Variants in ZNF124 observed in about 807,000 individuals in gnomAD.
ZNF124 encodes zinc finger protein 124.
In ZNF124, 25 loss-of-function variants were observed where a neutral mutation model predicts 26.6. The observed-to-expected ratio is 0.94, with a 90% confidence interval of 0.68 to 1.31. The LOEUF (loss-of-function observed/expected upper bound fraction) is 1.31. Among genes scored for constraint, ZNF124 ranks in the 40% most tolerant of loss-of-function variants. The pLI, the probability that ZNF124 is intolerant of heterozygous loss-of-function variation, is 0.00. For missense variants in ZNF124, 444 were observed against 422.2 expected (o/e 1.05, Z -0.45); for synonymous variants, 129 against 133.3 (o/e 0.97, Z 0.22).
chr1:247,156,986 C>T lies in ZNF124; in HGVS notation c.636G>A (p.Gly212=). 2 of 1,610,166 alleles carry T rather than the reference C, an allele frequency of 1.2e-6. No individual in the cohort carries two copies. The highest frequency in any genetic ancestry group is 8.5e-7 in the Non-Finnish European group (1 of 1,178,526). The change falls in exon 4 of 4, where the codon GGG becomes GGA. Residue 212 remains glycine, a synonymous_variant. Transcript: ENST00000543802. ...GGCAATTGGAGTAACGGAAGGCTTT[C>T]CCACAGTGCTTACATTCATAGGGTT... ...GEKPYECKHC[G]KAFRYSNCLH...
At position 247,156,698 on chromosome 1, in the gene ZNF124, A is replaced by G. The variant is rs1572082382; in HGVS notation, c.924T>C (p.His308=). The G allele has an allele frequency of 1.9e-6, 3 of 1,613,632 alleles. No homozygotes were observed. Among genetic ancestry groups the G allele is most frequent in the South Asian group, 1.1e-5 (1 of 91,016 alleles). The change falls in exon 4 of 4, where the codon CAT becomes CAC. Residue 308 remains histidine (H), a synonymous_variant. Coordinates refer to ENST00000543802, the MANE Select transcript of ZNF124 (RefSeq NM_001297568.2). ...GFRCSSSLRD[H]ERTHTGEKPY... Reference sequence around the variant, plus strand: ...GTTTCTCTCCAGTATGAGTCCTTTCATGGTCACGAAGGGAACTGGAACATC... The same window carrying G: ...GTTTCTCTCCAGTATGAGTCCTTTCGTGGTCACGAAGGGAACTGGAACATC...
intron 3 of ZNF124, among the ~76,000 whole-genome samples, chr1:247,142,068 G>C (rs1672642479): frequency 6.6e-6 from 1 of 152,186 alleles, no homozygotes; most frequent in Non-Finnish European, 1.5e-5. Context: ...AGCCCTGGCT[G>C]GAGAAGTCCA....
intron 3 of ZNF124, among the ~76,000 whole-genome samples, chr1:247,137,850 T>A (rs1305108577): frequency 6.6e-6 from 1 of 152,156 alleles, no homozygotes; most frequent in African/African-American, 2.4e-5. Flanking sequence ...AACAAACACA[T>A]GAACAAAAGC....
chr1:247,144,156 C>T (rs1343518131), intron 3 of ZNF124, among the ~76,000 whole-genome samples: 1 of 152,198 alleles, frequency 6.6e-6, no homozygotes, highest in Non-Finnish European at 1.5e-5. Flanking sequence ...TAATGCCCTT[C>T]CATTCTCCAT....
chr1:247,143,029 T>C (rs1672667412), intron 3 of ZNF124, among the ~76,000 whole-genome samples: 1 of 152,178 alleles, frequency 6.6e-6, no homozygotes, highest in African/African-American at 2.4e-5. Context: ...TTTAGGTAAT[T>C]ATGCATTTTA....
chr1:247,134,787 A>G (rs1444724678), intron 3 of ZNF124, among the ~76,000 whole-genome samples: 1 of 152,224 alleles, frequency 6.6e-6, no homozygotes, highest in Non-Finnish European at 1.5e-5. Context: ...CCACAAATCA[A>G]TAGAATATAC....
At chr1:247,145,097 G>T (rs1202584821) in intron 3 of ZNF124, among the ~76,000 whole-genome samples, 1 of 152,158 alleles carries the variant, frequency 6.6e-6, no homozygotes, top group Non-Finnish European at 1.5e-5. Flanking sequence ...TTTTCAGGTA[G>T]TCAGTGTGGA....
chr1:247,149,217 C>G (rs1672863910), intron 3 of ZNF124, among the ~76,000 whole-genome samples: 1 of 152,178 alleles, frequency 6.6e-6, no homozygotes, highest in Non-Finnish European at 1.5e-5. Context: ...GAAGAATTGT[C>G]TTCCAAAAGG....
intron 3 of ZNF124, among the ~76,000 whole-genome samples, chr1:247,144,285 C>T (rs532896986): frequency 6.6e-6 from 1 of 152,326 alleles, no homozygotes; most frequent in Non-Finnish European, 1.5e-5. Context: ...ATTCTGGTCA[C>T]TCCCTACCTT....
chr1:247,156,360 GTCCTT>G lies in ZNF124; in HGVS notation c.*201_*205del, dbSNP rs1210574048. 9 of 1,246,466 alleles carry G rather than the reference GTCCTT, an allele frequency of 7.2e-6. No individual in the cohort carries two copies. The highest frequency in any genetic ancestry group is 9.0e-6 in the Non-Finnish European group (9 of 996,020). 77.2% of individuals were successfully genotyped at this position (1,246,466 alleles called of 1,614,324 possible). The stretch of plus-strand genomic sequence containing the variant: ...CATTCATATGGATTTTCTTCAGTGA[GTCCTT>G]TCAAGTTTTCAAAAAGAAATGGAAA... On this transcript the variant is annotated 3_prime_UTR_variant, in exon 4 of 4. Transcript: ENST00000543802.
Position 247,156,141 on chromosome 1 carries a change from G to C in ZNF124, c.*425C>G. The C allele has an allele frequency of 3.0e-6, 3 of 988,158 alleles. No individual in the cohort carries two copies. Among genetic ancestry groups the C allele is most frequent in the Non-Finnish European group, 3.6e-6 (3 of 831,978 alleles). The allele number at this position is 988,158 out of a possible 1,614,324, so 61.2% of individuals were successfully genotyped here. ...AATTCAGAATTTTCTGTATTTCTAGGATTTCAATCTGGTGGGCATTCTTTT... is the reference window on the plus strand; with the variant it reads ...AATTCAGAATTTTCTGTATTTCTAGCATTTCAATCTGGTGGGCATTCTTTT... On this transcript the variant is annotated 3_prime_UTR_variant, in exon 4 of 4. Transcript: ENST00000543802.
chr1:247,158,865 G>T (rs1673305471), intron 3 of ZNF124, 141 bp downstream of exon 3: 4 of 696,984 alleles, frequency 5.7e-6, no homozygotes, highest in African/African-American at 3.7e-5. Flanking sequence ...CTGACCTCAG[G>T]TGATCCGCCC....
At chr1:247,145,650 C>T (rs76318452) in intron 3 of ZNF124, among the ~76,000 whole-genome samples, 20,565 of 148,926 alleles carry the variant, frequency 0.14, 2,066 homozygotes, top group African/African-American at 0.28. Flanking sequence ...TTTTTTTTGA[C>T]GGAGTTTCAC....
intron 3 of ZNF124, chr1:247,138,877 G>A (rs759827051): frequency 5.1e-5 from 20 of 395,516 alleles, no homozygotes; most frequent in Non-Finnish European, 7.6e-5. Flanking sequence ...CCTGCCTTCC[G>A]TTCTACTCAA....
Position 247,168,661 on chromosome 1 carries a change from G to C in ZNF124, c.30+3187C>G, listed in dbSNP as rs1673916635. 6.6e-6 allele frequency among the ~76,000 whole-genome samples: 1 copy of C among 152,214 alleles called. No homozygotes were observed. The highest frequency in any genetic ancestry group is 1.5e-5 in the Non-Finnish European group (1 of 68,042). On this transcript the variant is annotated intron_variant, in intron 1 of 3. Coordinates refer to ENST00000543802, the MANE Select transcript of ZNF124 (RefSeq NM_001297568.2). This position sits in a 1 kb window ranked among gnomAD's most constrained non-coding sequence, Gnocchi z 4.0. Reference sequence around the variant, plus strand: ...ATGAGGGGATAAAGAAAATGTGGTGGAATACTACTCAGCCATAAAAAGGAA... The same window carrying C: ...ATGAGGGGATAAAGAAAATGTGGTGCAATACTACTCAGCCATAAAAAGGAA...
Position 247,125,430 on chromosome 1 carries a change from C to CTTTTTTTTTTTTTTT in ZNF124, c.219-1574_219-1560dup, listed in dbSNP as rs71566695. Among the ~76,000 whole-genome samples the CTTTTTTTTTTTTTTT allele has an allele frequency of 1.6e-3, 69 of 43,294 alleles. 17 individuals carry two copies. The highest frequency in any genetic ancestry group is 5.0e-3 in the South Asian group (3 of 596). The allele number at this position is 43,294 out of a possible 152,430, so 28.4% of individuals were successfully genotyped here. On this transcript the variant is annotated intron_variant, in intron 3 of 3. Transcript: ENST00000472531. ...TATCTTCACCGACACCTGTTTTTGT[C>CTTTTTTTTTTTTTTT]TTTTTTTTTTTTTTTTTTTTTTTTT...
intron 3 of ZNF124, among the ~76,000 whole-genome samples, chr1:247,130,584 C>T (rs189793221): frequency 1.1e-3 from 165 of 152,160 alleles, no homozygotes; most frequent in Non-Finnish European, 2.0e-3. Context: ...GTGTTAACAT[C>T]GAAATAATTT....
chr1:247,135,288 A>C (rs1226711638), intron 3 of ZNF124, among the ~76,000 whole-genome samples: 1 of 152,148 alleles, frequency 6.6e-6, no homozygotes, highest in Non-Finnish European at 1.5e-5. Context: ...AACAAAATAG[A>C]CCACTAGCTA....
chr1:247,123,266 G>C (rs935753720), exon 4 of ZNF124: 2 of 151,778 alleles, frequency 1.3e-5, no homozygotes, highest in Admixed American at 1.3e-4. Flanking sequence ...GCGCGATCTC[G>C]GCTCACTGCA....
Sources: allele counts gnomAD v4.1 joint callset (sites outside exome capture counted in the v4.1 genomes callset), GRCh38; gene constraint gnomAD v4.1.1; non-coding constraint Gnocchi (gnomAD v3.1); transcripts MANE v1.5; gene names NCBI Gene and HGNC (gene_info 2026-07-23, HGNC 2026-07-21).